Variants in KLHL1 observed in about 807,000 individuals in gnomAD.
KLHL1 encodes the protein kelch-like protein 1.
In KLHL1, 47 loss-of-function variants were observed where a neutral mutation model predicts 77.7. The observed-to-expected ratio is 0.60, with a 90% CI of 0.48 to 0.77. The LOEUF (loss-of-function observed/expected upper bound fraction) is 0.77, where lower values mean the gene tolerates loss of function less well. KLHL1 is among the 30% of genes least tolerant of loss of function. KLHL1 has a pLI of 0.00. For missense variants in KLHL1, 925 were observed against 910.8 expected, an observed-to-expected ratio of 1.02 and a Z score of -0.20; for synonymous variants, 360 against 325.2, an observed-to-expected ratio of 1.11 and a Z score of -1.15.
chr13:69,888,390 T>C (rs537687373), intron 4 of KLHL1, among the ~76,000 whole-genome samples: 1 of 152,164 alleles, frequency 6.6e-6, no homozygotes, highest in Admixed American at 6.5e-5. Context: ...ATTGCAGATA[T>C]AGTTGATTAA....
intron 1 of KLHL1, among the ~76,000 whole-genome samples, chr13:70,084,695 T>G (rs1301398850): frequency 2.2e-5 from 3 of 139,326 alleles, no homozygotes; most frequent in Non-Finnish European, 4.6e-5. Flanking sequence ...CAGGATGGTC[T>G]AGATATCCTG....
intron 7 of KLHL1, among the ~76,000 whole-genome samples, chr13:69,791,396 A>G (rs964248776): frequency 9.2e-5 from 14 of 152,104 alleles, no homozygotes; most frequent in African/African-American, 3.1e-4. Context: ...CAATATTTAA[A>G]TCCCAGGTAC....
At position 70,030,944 on chromosome 13, in the gene KLHL1, C is replaced by T. The variant is rs1423594741; in HGVS notation, c.498-55142G>A. Among the ~76,000 whole-genome samples, 9 of 152,184 alleles carry T rather than the reference C, an allele frequency of 5.9e-5. No homozygotes were observed. In the East Asian group the frequency reaches 1.4e-3, roughly 23 times the overall value. ...CCAATCCCACAGAAATAGAAACTGC[C>T]ATCAGAGAATACTATAAACACTTCT... On this transcript the variant is annotated intron_variant, in intron 1 of 10. Coordinates refer to ENST00000377844, the MANE Select transcript of KLHL1 (RefSeq NM_020866.3).
intron 5 of KLHL1, among the ~76,000 whole-genome samples, chr13:69,867,523 A>C (rs978465068): frequency 2.0e-5 from 3 of 152,006 alleles, no homozygotes; most frequent in Non-Finnish European, 4.4e-5. Flanking sequence ...TGTTTAAAAA[A>C]CAAATTTTCA....
At chr13:69,810,705 T>C (rs932025769) in intron 6 of KLHL1, among the ~76,000 whole-genome samples, 1 of 151,454 alleles carries the variant, frequency 6.6e-6, no homozygotes, top group Non-Finnish European at 1.5e-5. Flanking sequence ...GAAATTGAAC[T>C]GTACAAAGAA....
Position 69,914,955 on chromosome 13 carries a change from C to G in KLHL1, c.1014+25085G>C, listed in dbSNP as rs148491276. Reference sequence around the variant, plus strand: ...AATACAAGAGAAATACACATGTAAACAACACTAACATATCACTTTTTGGCC... The same window carrying G: ...AATACAAGAGAAATACACATGTAAAGAACACTAACATATCACTTTTTGGCC... On this transcript the variant is annotated intron_variant, in intron 4 of 10. Transcript: ENST00000377844. 5.8e-3 allele frequency among the ~76,000 whole-genome samples: 876 copies of G among 152,230 alleles called. 5 individuals are homozygous for G. The highest frequency in any genetic ancestry group is 0.02 in the African/African-American group (814 of 41,528).
chr13:69,977,564 T>C (rs753721487), intron 1 of KLHL1, among the ~76,000 whole-genome samples: 3 of 152,080 alleles, frequency 2.0e-5, no homozygotes, highest in Non-Finnish European at 4.4e-5. Flanking sequence ...GGAGAAATGA[T>C]GGGACAAAAG....
chr13:69,949,756 A>G (rs1426145805), intron 3 of KLHL1, among the ~76,000 whole-genome samples: 1 of 150,354 alleles, frequency 6.7e-6, no homozygotes, highest in Non-Finnish European at 1.5e-5. Context: ...GATTTTTTGA[A>G]TAAATGTTTC....
At chr13:70,079,739 C>T (rs527588199) in intron 1 of KLHL1, among the ~76,000 whole-genome samples, 43 of 152,160 alleles carry the variant, frequency 2.8e-4, no homozygotes, top group Non-Finnish European at 5.7e-4. Flanking sequence ...GGTAATATTA[C>T]TCTTTCTCTT....
chr13:69,952,358 C>T (rs568081650), intron 3 of KLHL1, among the ~76,000 whole-genome samples: 1 of 151,384 alleles, frequency 6.6e-6, no homozygotes, highest in Non-Finnish European at 1.5e-5. Flanking sequence ...ATAGTTTTTA[C>T]ATTTTTTCTT....
intron 5 of KLHL1, among the ~76,000 whole-genome samples, chr13:69,866,898 A>C (rs997934455): frequency 6.6e-6 from 1 of 152,030 alleles, no homozygotes; most frequent in Non-Finnish European, 1.5e-5. Context: ...TTAGCAGAAA[A>C]ATGTGTCATT....
intron 4 of KLHL1, among the ~76,000 whole-genome samples, chr13:69,889,434 CT>C (rs1203412546): frequency 6.6e-6 from 1 of 152,064 alleles, no homozygotes; most frequent in Non-Finnish European, 1.5e-5. Flanking sequence ...GGATTAGAAA[CT>C]CAGCTTTTTG....
intron 7 of KLHL1, among the ~76,000 whole-genome samples, chr13:69,762,100 A>C (rs1445964361): frequency 6.6e-6 from 1 of 152,176 alleles, no homozygotes; most frequent in Non-Finnish European, 1.5e-5. Context: ...ACAGTAGCTA[A>C]AAGGTTATCA....
At chr13:70,025,588 T>C (rs1169292147) in intron 1 of KLHL1, among the ~76,000 whole-genome samples, 1 of 151,862 alleles carries the variant, frequency 6.6e-6, no homozygotes, top group Non-Finnish European at 1.5e-5. Flanking sequence ...CTCCTATACA[T>C]GTATAAGCTA....
chr13:69,715,188 G>GA (rs1460574650), intron 9 of KLHL1, among the ~76,000 whole-genome samples: 1 of 152,162 alleles, frequency 6.6e-6, no homozygotes, highest in Non-Finnish European at 1.5e-5. Context: ...GGTTAGCATA[G>GA]AATCCTTGAT....
chr13:69,910,221 C>A (rs1226931857), intron 4 of KLHL1, among the ~76,000 whole-genome samples: 1 of 151,802 alleles, frequency 6.6e-6, no homozygotes, highest in African/African-American at 2.4e-5. Flanking sequence ...TCCATGACAT[C>A]ATTATATAAA....
intron 4 of KLHL1, among the ~76,000 whole-genome samples, chr13:69,914,938 A>G (rs1331023041): frequency 2.0e-5 from 3 of 152,184 alleles, no homozygotes; most frequent in Non-Finnish European, 2.9e-5. Flanking sequence ...TTAATACAAG[A>G]GAAATACACA....
intron 3 of KLHL1, among the ~76,000 whole-genome samples, chr13:69,957,373 T>C: frequency 6.6e-6 from 1 of 151,842 alleles, no homozygotes; most frequent in East Asian, 2.0e-4. Flanking sequence ...TTTTAAGCTG[T>C]ATTCTATCAG....
intron 1 of KLHL1, among the ~76,000 whole-genome samples, chr13:69,989,175 T>C (rs1046259219): frequency 6.6e-6 from 1 of 152,112 alleles, no homozygotes; most frequent in Non-Finnish European, 1.5e-5. Flanking sequence ...CTTTTCTACA[T>C]GTAGCTATCT....
Sources: allele counts gnomAD v4.1 joint callset (sites outside exome capture counted in the v4.1 genomes callset), GRCh38; gene constraint gnomAD v4.1.1; transcripts MANE v1.5; gene names NCBI Gene and HGNC (gene_info 2026-07-23, HGNC 2026-07-21).